FNDC3B: variants seen among roughly 807,000 people sequenced by gnomAD.
FNDC3B encodes the protein fibronectin type III domain-containing protein 3B.
A neutral mutation model predicts 151.5 loss-of-function variants in FNDC3B; 12 were observed. The observed-to-expected ratio is 0.08, with a 90% CI of 0.05 to 0.13. The LOEUF (loss-of-function observed/expected upper bound fraction) is 0.13, where lower values mean the gene tolerates loss of function less well. FNDC3B is among the 10% of genes least tolerant of loss of function. The pLI is 1.00. For synonymous variants in FNDC3B, 528 were observed against 549.0 expected, an observed-to-expected ratio of 0.96 and a Z score of 0.54; for missense variants, 1,214 against 1,505.3, an observed-to-expected ratio of 0.81 and a Z score of 3.20.
intron 3 of FNDC3B, among the ~76,000 whole-genome samples, chr3:172,200,948 A>G (rs1725116960): frequency 6.6e-6 from 1 of 152,188 alleles, no homozygotes; most frequent in African/African-American, 2.4e-5. Flanking sequence ...TTAATTTTTA[A>G]CAAAAGAGCT....
chr3:172,112,386 C>T, intron 1 of FNDC3B, 66 bp from the exon 2 acceptor site: 1 of 807,998 alleles, frequency 1.2e-6, no homozygotes, highest in Non-Finnish European at 2.2e-6. Flanking sequence ...TGTTATGTGA[C>T]TTGTTGTGTT....
intron 23 of FNDC3B, among the ~76,000 whole-genome samples, chr3:172,376,182 G>A (rs1207811897): frequency 2.6e-5 from 4 of 152,190 alleles, no homozygotes; most frequent in African/African-American, 9.7e-5. Flanking sequence ...GAACACAATA[G>A]TCTAGAAACA....
intron 23 of FNDC3B, among the ~76,000 whole-genome samples, chr3:172,377,043 T>C (rs1735185007): frequency 6.6e-6 from 1 of 152,216 alleles, no homozygotes; most frequent in Non-Finnish European, 1.5e-5. Context: ...GTCTTATTCA[T>C]CTTTCAAATC....
At chr3:172,044,382 A>G (rs1420620320) in intron 1 of FNDC3B, among the ~76,000 whole-genome samples, 1 of 151,346 alleles carries the variant, frequency 6.6e-6, no homozygotes, top group Non-Finnish European at 1.5e-5. Context: ...TGCCAGGTTC[A>G]GTATAAATAT....
At chr3:172,328,874 A>T in intron 11 of FNDC3B, 78 bp from the exon 12 acceptor site, 3 of 1,131,716 alleles carry the variant, frequency 2.7e-6, no homozygotes, top group Non-Finnish European at 3.6e-6. Flanking sequence ...GATGTTCAAG[A>T]TGCTCCTTCA....
At chr3:172,325,994 C>T (rs1434756330) in intron 11 of FNDC3B, among the ~76,000 whole-genome samples, 1 of 151,932 alleles carries the variant, frequency 6.6e-6, no homozygotes, top group Non-Finnish European at 1.5e-5. Flanking sequence ...TGGGTAATGT[C>T]TTTGTATTTT....
chr3:172,114,258 T>C (rs890338810), intron 2 of FNDC3B, among the ~76,000 whole-genome samples: 1 of 151,830 alleles, frequency 6.6e-6, no homozygotes, highest in Non-Finnish European at 1.5e-5. Context: ...GGTTGCAGAG[T>C]GTTGTGGATG....
intron 1 of FNDC3B, among the ~76,000 whole-genome samples, chr3:172,058,588 A>G (rs1208400604): frequency 2.6e-5 from 4 of 151,950 alleles, no homozygotes; most frequent in African/African-American, 7.3e-5. Context: ...CAGTTGGTAT[A>G]TAATTCATTC....
At position 172,343,939 on chromosome 3, in the gene FNDC3B, T is replaced by A. The variant is rs1282495939; in HGVS notation, c.2078-147T>A. ...CAGAAACTTTTATTTTTATATCTCT[T>A]TTTTGGTGGGCATGGATTCTTTTGT... On this transcript the variant is annotated intron_variant, in intron 18 of 25. Transcript: ENST00000415807. 9.0e-6 allele frequency: 6 copies of A among 666,238 alleles called. No homozygotes were observed. The East Asian group carries it at 1.3e-4, about 15-fold the overall frequency. 41.3% of individuals were successfully genotyped at this position (666,238 alleles called of 1,614,324 possible). A position where few individuals can be genotyped will look rare whatever the true frequency, so the allele number is the denominator to read the frequency against.
rs62281779 is a variant in FNDC3B, at chr3:172,220,434, T to C, written c.188-6437T>C. On this transcript the variant is annotated intron_variant, in intron 3 of 25. Coordinates refer to ENST00000415807, the MANE Select transcript of FNDC3B (RefSeq NM_022763.4). ...TTCTGGATACAAGTCCCTTATCAAA[T>C]ATGATTTGTAAATATTTTTCCCATT... 1.0e-3 allele frequency among the ~76,000 whole-genome samples: 157 copies of C among 152,302 alleles called. 1 individual carries two copies. Among genetic ancestry groups the C allele is most frequent in the African/African-American group, 3.7e-3 (153 of 41,564 alleles).
chr3:172,275,690 T>C (rs187120542), intron 6 of FNDC3B, among the ~76,000 whole-genome samples: 51 of 152,378 alleles, frequency 3.3e-4, no homozygotes, highest in Non-Finnish European at 5.3e-4. Flanking sequence ...GCATTTTCCG[T>C]ATAGACATTT....
intron 6 of FNDC3B, among the ~76,000 whole-genome samples, chr3:172,260,438 G>A (rs1728589293): frequency 6.6e-6 from 1 of 152,220 alleles, no homozygotes; most frequent in South Asian, 2.1e-4. Flanking sequence ...CTTGTATGTA[G>A]AAAATAGGGG....
chr3:172,142,279 A>G (rs1380234063), intron 3 of FNDC3B, among the ~76,000 whole-genome samples: 1 of 152,108 alleles, frequency 6.6e-6, no homozygotes, highest in Non-Finnish European at 1.5e-5. Context: ...TGCGAACTGG[A>G]GTTATTAGGA....
intron 2 of FNDC3B, among the ~76,000 whole-genome samples, chr3:172,129,128 C>T (rs546513473): frequency 2.6e-5 from 4 of 152,262 alleles, no homozygotes; most frequent in Non-Finnish European, 5.9e-5. Context: ...ACCACCATGT[C>T]CGGCTAATTT....
At chr3:172,226,764 T>A (rs972650574) in intron 3 of FNDC3B, 107 bp from the exon 4 acceptor site, 16 of 718,186 alleles carry the variant, frequency 2.2e-5, no homozygotes, top group Non-Finnish European at 2.4e-6. Context: ...AAGAGCAAAT[T>A]GTCAAAGTCA....
At chr3:172,188,890 A>G (rs1724352338) in intron 3 of FNDC3B, among the ~76,000 whole-genome samples, 1 of 152,108 alleles carries the variant, frequency 6.6e-6, no homozygotes, top group Admixed American at 6.6e-5. Context: ...TCCTTGCAAC[A>G]TTTTAGACTG....
chr3:172,359,766 T>A (rs1232937295), intron 22 of FNDC3B, among the ~76,000 whole-genome samples: 1 of 152,204 alleles, frequency 6.6e-6, no homozygotes, highest in Non-Finnish European at 1.5e-5. Flanking sequence ...TCTTTCAGTG[T>A]TATACCGAGA....
At chr3:172,121,083 C>T (rs1056029569) in intron 2 of FNDC3B, among the ~76,000 whole-genome samples, 6 of 152,190 alleles carry the variant, frequency 3.9e-5, no homozygotes, top group African/African-American at 7.2e-5. Context: ...ATGTCCTCTT[C>T]GGTGCCTACT....
chr3:172,238,267 C>CA (rs2108756877), intron 4 of FNDC3B, among the ~76,000 whole-genome samples: 1 of 152,230 alleles, frequency 6.6e-6, no homozygotes, highest in African/African-American at 2.4e-5. Flanking sequence ...GTGATCCTCC[C>CA]ACATCATCCT....
Sources: allele counts gnomAD v4.1 joint callset (sites outside exome capture counted in the v4.1 genomes callset), GRCh38; gene constraint gnomAD v4.1.1; transcripts MANE v1.5; gene names NCBI Gene and HGNC (gene_info 2026-07-23, HGNC 2026-07-21).